The following DGKB variants were observed in gnomAD, a reference collection of about 807,000 sequenced individuals.
The protein encoded by DGKB is diacylglycerol kinase beta.
Under a neutral mutation model 114.3 loss-of-function variants are expected in DGKB, and 67 were observed. The ratio of observed to expected loss-of-function variants is 0.59; its 90% CI spans 0.48 to 0.72. The LOEUF (loss-of-function observed/expected upper bound fraction) is 0.72, where lower values mean the gene tolerates loss of function less well. Ranked by LOEUF, DGKB falls within the 30% of genes least tolerant of loss-of-function variation. The pLI is 0.00. For synonymous variants in DGKB, 398 were observed against 323.1 expected (o/e 1.23, Z -2.49); for missense variants, 907 against 975.2 (o/e 0.93, Z 0.93).
At chr7:14,919,062 G>GCGCGCACACACA (rs1213217913) in intron 1 of DGKB, among the ~76,000 whole-genome samples, 2 of 118,148 alleles carry the variant, frequency 1.7e-5, no homozygotes, top group Admixed American at 8.7e-5. Context: ...TCCACCACAC[G>GCGCGCACACACA]CACACACACA....
At chr7:14,698,249 G>T (rs1824437007) in intron 7 of DGKB, 80 bp from the exon 8 acceptor site, 2 of 865,760 alleles carry the variant, frequency 2.3e-6, no homozygotes, top group East Asian at 3.1e-5. Flanking sequence ...AAATTGTTTT[G>T]TTCAATGTGT....
rs974954461 is a variant in DGKB, at chr7:14,652,362, C to T, written c.1134+20567G>A. 6.0e-4 allele frequency among the ~76,000 whole-genome samples: 92 copies of T among 152,098 alleles called. No individual in the cohort carries two copies. The East Asian group carries it at 8.7e-3, about 14-fold the overall frequency. ...ATAACGCCGCATATCTACAACTATC[C>T]GATCTTTGACAAACTTGAGAAAAAC... is the stretch of plus-strand genomic sequence containing the variant. On this transcript the variant is annotated intron_variant, in intron 13 of 25. Transcript: ENST00000402815.
chr7:14,679,578 A>G (rs1004075857), intron 12 of DGKB, among the ~76,000 whole-genome samples: 3 of 152,028 alleles, frequency 2.0e-5, no homozygotes, highest in Non-Finnish European at 4.4e-5. Context: ...TCTCTACAAT[A>G]TATTCTTCAC....
chr7:14,905,378 T>C (rs1466817272), upstream of DGKB, among the ~76,000 whole-genome samples: 2 of 152,054 alleles, frequency 1.3e-5, no homozygotes, highest in African/African-American at 4.8e-5. Flanking sequence ...TTGAATCTTA[T>C]TCCTGACTCA....
chr7:14,715,737 G>A (rs1014134639), intron 6 of DGKB, among the ~76,000 whole-genome samples: 3 of 152,154 alleles, frequency 2.0e-5, no homozygotes, highest in Admixed American at 6.6e-5. Context: ...GCAAAACAAT[G>A]TACAGAGGGT....
At chr7:14,850,899 A>ATG (rs1849263804) in intron 1 of DGKB, among the ~76,000 whole-genome samples, 1 of 152,154 alleles carries the variant, frequency 6.6e-6, no homozygotes, top group Non-Finnish European at 1.5e-5. Flanking sequence ...TTTCTGAGCT[A>ATG]TGTGTCTTCA....
intron 21 of DGKB, among the ~76,000 whole-genome samples, chr7:14,469,768 G>C (rs1462207646): frequency 1.3e-5 from 2 of 151,902 alleles, no homozygotes; most frequent in Non-Finnish European, 2.9e-5. Context: ...GAGGAGCATA[G>C]TAAATTATTT....
chr7:14,861,752 G>C (rs1851009876), intron 1 of DGKB, among the ~76,000 whole-genome samples: 1 of 151,880 alleles, frequency 6.6e-6, no homozygotes, highest in African/African-American at 2.4e-5. Flanking sequence ...CATTTCCTCA[G>C]TATTATGTTT....
chr7:14,418,758 CTTG>C (rs1377077900), intron 21 of DGKB, among the ~76,000 whole-genome samples: 3 of 151,306 alleles, frequency 2.0e-5, no homozygotes, highest in African/African-American at 4.8e-5. Context: ...TACCCTTAAG[CTTG>C]TTGTCTTAGA....
intron 21 of DGKB, among the ~76,000 whole-genome samples, chr7:14,408,629 C>T (rs1824341255): frequency 6.6e-6 from 1 of 152,082 alleles, no homozygotes; most frequent in Admixed American, 6.6e-5. Context: ...TTCTAGCTCA[C>T]TGATTCTTCT....
chr7:14,834,527 C>T (rs574722073), intron 2 of DGKB, among the ~76,000 whole-genome samples: 14 of 152,072 alleles, frequency 9.2e-5, no homozygotes, highest in African/African-American at 1.9e-4. Flanking sequence ...CACACAGTCA[C>T]GAGTGCTCTC....
At chr7:14,256,267 C>T (rs1007697508) in intron 23 of DGKB, among the ~76,000 whole-genome samples, 9 of 151,978 alleles carry the variant, frequency 5.9e-5, no homozygotes, top group Non-Finnish European at 7.4e-5. Flanking sequence ...TATTTTTATG[C>T]TTTCTTCTTT....
At chr7:14,151,264 C>T (rs1425304441) in intron 25 of DGKB, among the ~76,000 whole-genome samples, 1 of 151,836 alleles carries the variant, frequency 6.6e-6, no homozygotes, top group South Asian at 2.1e-4. Context: ...GAAATTAGAT[C>T]ATTATTTCCA....
Position 14,338,692 on chromosome 7 carries a change from C to T in DGKB, c.1945G>A (p.Asp649Asn), listed in dbSNP as rs759780001. Residue 649 changes from aspartate (D) to asparagine (N), a missense_variant, in exon 23 of 26, where the codon GAT (aspartate) becomes AAT (asparagine). Coordinates refer to ENST00000402815, the MANE Select transcript of DGKB (RefSeq NM_001350709.2). ...CCTTCCAGAGAGATGTTTATTAAAT[C>T]TATCTGTACTCCATCACACTGATCG... ...VEIECDGVQI[D>N]LINISLEGIA... The T allele has an allele frequency of 8.9e-6, 14 of 1,578,648 alleles. No homozygotes were observed. The highest frequency in any genetic ancestry group is 1.8e-5 in the Admixed American group (1 of 55,360).
chr7:14,440,102 C>G (rs1324363808), intron 21 of DGKB, among the ~76,000 whole-genome samples: 1 of 152,070 alleles, frequency 6.6e-6, no homozygotes, highest in African/African-American at 2.4e-5. Flanking sequence ...CAGCCCTGAG[C>G]TTCTACAGCC....
chr7:14,537,909 C>T (rs1584665725), intron 20 of DGKB, among the ~76,000 whole-genome samples: 1 of 151,896 alleles, frequency 6.6e-6, no homozygotes, highest in Non-Finnish European at 1.5e-5. Flanking sequence ...GGAGAAACCC[C>T]GTCTCTACTA....
chr7:14,333,256 A>G (rs1254136052), intron 23 of DGKB, among the ~76,000 whole-genome samples: 1 of 152,026 alleles, frequency 6.6e-6, no homozygotes, highest in Non-Finnish European at 1.5e-5. Context: ...CAGGAGATAG[A>G]GACCATCCTG....
chr7:14,164,023 A>C (rs1784293625), intron 25 of DGKB, among the ~76,000 whole-genome samples: 2 of 151,514 alleles, frequency 1.3e-5, no homozygotes, highest in South Asian at 2.1e-4. Context: ...AAAAAAAAAA[A>C]CAAAATAAAA....
intron 21 of DGKB, among the ~76,000 whole-genome samples, chr7:14,403,738 C>T (rs1314336631): frequency 1.3e-5 from 2 of 151,946 alleles, no homozygotes; most frequent in African/African-American, 2.4e-5. Flanking sequence ...CATTTATCAA[C>T]CACCACACTA....
Sources: allele counts gnomAD v4.1 joint callset (sites outside exome capture counted in the v4.1 genomes callset), GRCh38; gene constraint gnomAD v4.1.1; transcripts MANE v1.5; gene names NCBI Gene and HGNC (gene_info 2026-07-23, HGNC 2026-07-21).